MDGA2: variants seen among roughly 807,000 people sequenced by gnomAD.
MDGA2 encodes MAM domain-containing glycosylphosphatidylinositol anchor protein 2.
MDGA2 carries 40 observed loss-of-function variants against 117.8 expected under a neutral mutation model. The ratio of observed to expected loss-of-function variants is 0.34; its 90% CI spans 0.26 to 0.44. The LOEUF is 0.44. MDGA2 is among the 20% of genes least tolerant of loss of function. The pLI, the probability that MDGA2 is intolerant of heterozygous loss-of-function variation, is 1.00. For synonymous variants in MDGA2, 452 were observed against 439.0 expected (o/e 1.03, Z -0.37); for missense variants, 1,123 against 1,250.6 (o/e 0.90, Z 1.54).
intron 1 of MDGA2, chr14:47,306,120 C>A (rs1190573468): frequency 6.6e-6 from 1 of 152,132 alleles, no homozygotes; most frequent in African/African-American, 2.4e-5. Context: ...ATGTCTCAGA[C>A]ATAGGAGAGA....
intron 7 of MDGA2, among the ~76,000 whole-genome samples, chr14:47,058,117 TAAAA>T (rs1290464080): frequency 6.6e-6 from 1 of 152,024 alleles, no homozygotes; most frequent in Non-Finnish European, 1.5e-5. Flanking sequence ...AGCCTCTACT[TAAAA>T]AATATCATTA....
intron 2 of MDGA2, among the ~76,000 whole-genome samples, chr14:47,248,295 C>T (rs1280149057): frequency 6.6e-6 from 1 of 151,256 alleles, no homozygotes; most frequent in Admixed American, 6.6e-5. Flanking sequence ...AAATGAGAAA[C>T]ATCAGACGGA....
chr14:47,225,421 A>T (rs1173890964), intron 2 of MDGA2, among the ~76,000 whole-genome samples: 11 of 152,050 alleles, frequency 7.2e-5, no homozygotes, highest in African/African-American at 2.7e-4. Context: ...CAAATGTCCA[A>T]CAATGATAGA....
chr14:47,658,568 T>G (rs1897787220), intron 1 of MDGA2, among the ~76,000 whole-genome samples: 1 of 152,086 alleles, frequency 6.6e-6, no homozygotes, highest in Non-Finnish European at 1.5e-5. Flanking sequence ...AAAGGCCAGC[T>G]CCTGGAGGGC....
chr14:47,559,948 C>T (rs138693071), intron 1 of MDGA2, among the ~76,000 whole-genome samples: 2,066 of 152,222 alleles, frequency 0.014, 47 homozygotes, highest in African/African-American at 0.046. Context: ...TCAAATGGCA[C>T]GTCTAAGTTC....
chr14:47,486,559 C>A (rs1894066057), intron 1 of MDGA2, among the ~76,000 whole-genome samples: 1 of 151,932 alleles, frequency 6.6e-6, no homozygotes, highest in Non-Finnish European at 1.5e-5. Context: ...GGGGGGTGGC[C>A]AGGGGCAGAA....
At chr14:47,660,579 G>T (rs765959558) in intron 1 of MDGA2, among the ~76,000 whole-genome samples, 1 of 152,154 alleles carries the variant, frequency 6.6e-6, no homozygotes, top group Non-Finnish European at 1.5e-5. Flanking sequence ...GTCAAGAAAA[G>T]AAATCCGCTG....
chr14:47,554,101 G>A (rs1306595756), intron 1 of MDGA2, among the ~76,000 whole-genome samples: 1 of 152,106 alleles, frequency 6.6e-6, no homozygotes, highest in African/African-American at 2.4e-5. Flanking sequence ...TTGATTCTCT[G>A]GATGCCTATG....
At chr14:47,362,480 G>C (rs1202970486) in intron 1 of MDGA2, among the ~76,000 whole-genome samples, 1 of 152,038 alleles carries the variant, frequency 6.6e-6, no homozygotes, top group Non-Finnish European at 1.5e-5. Context: ...TTGAGGTATT[G>C]ATATTTTTAA....
chr14:46,949,053 AACACTTTC>A (rs1292617111), intron 9 of MDGA2, among the ~76,000 whole-genome samples: 2 of 152,030 alleles, frequency 1.3e-5, no homozygotes, highest in Admixed American at 1.3e-4. Flanking sequence ...TTGTTTTTAA[AACACTTTC>A]AAACTGATTA....
At chr14:47,548,746 C>T (rs1895515049) in intron 1 of MDGA2, among the ~76,000 whole-genome samples, 1 of 151,970 alleles carries the variant, frequency 6.6e-6, no homozygotes, top group African/African-American at 2.4e-5. Flanking sequence ...ATGCACACAA[C>T]CCTGAATGTG....
chr14:46,859,805 A>G (rs934353252), intron 14 of MDGA2, among the ~76,000 whole-genome samples: 2 of 152,146 alleles, frequency 1.3e-5, no homozygotes, highest in Non-Finnish European at 2.9e-5. Flanking sequence ...ATATGTTAAT[A>G]TATACGCTTC....
At chr14:47,539,903 G>C (rs1176098797) in intron 1 of MDGA2, among the ~76,000 whole-genome samples, 3 of 152,130 alleles carry the variant, frequency 2.0e-5, no homozygotes, top group African/African-American at 7.2e-5. Context: ...CACTGGCCTC[G>C]TCAAGGTTCC....
At chr14:47,473,430 G>A (rs1543413) in intron 1 of MDGA2, among the ~76,000 whole-genome samples, 112,017 of 152,088 alleles carry the variant, frequency 0.74, 41,804 homozygotes, top group East Asian at 1. Context: ...GTACTCTAAA[G>A]CAATTTTTGA....
At chr14:47,096,788 C>A in intron 6 of MDGA2, 66 bp downstream of exon 6, 1 of 1,491,086 alleles carries the variant, frequency 6.7e-7, no homozygotes, top group Non-Finnish European at 9.2e-7. Context: ...TTTATATCAA[C>A]CATTATTTGC....
intron 1 of MDGA2, among the ~76,000 whole-genome samples, chr14:47,420,687 A>G (rs886852153): frequency 3.3e-5 from 5 of 152,138 alleles, no homozygotes; most frequent in East Asian, 3.8e-4. Flanking sequence ...TCATGAAGCC[A>G]TAGGTATTAC....
chr14:47,329,422 G>T (rs975388108), intron 1 of MDGA2, among the ~76,000 whole-genome samples: 25 of 151,974 alleles, frequency 1.6e-4, no homozygotes, highest in African/African-American at 5.8e-4. Flanking sequence ...AATAGGGAGG[G>T]CCCAAGTGAA....
intron 1 of MDGA2, among the ~76,000 whole-genome samples, chr14:47,519,093 A>C (rs1594896791): frequency 6.6e-6 from 1 of 152,098 alleles, no homozygotes; most frequent in Middle Eastern, 3.4e-3. Flanking sequence ...AATCCCAGCT[A>C]CTTGGGAGGC....
intron 10 of MDGA2, among the ~76,000 whole-genome samples, chr14:46,910,814 T>C (rs1883669762): frequency 6.6e-6 from 1 of 152,066 alleles, no homozygotes; most frequent in Non-Finnish European, 1.5e-5. Flanking sequence ...TACGCAGCCA[T>C]AAAAACGAAT....
Sources: allele counts gnomAD v4.1 joint callset (sites outside exome capture counted in the v4.1 genomes callset), GRCh38; gene constraint gnomAD v4.1.1; transcripts MANE v1.5; gene names NCBI Gene and HGNC (gene_info 2026-07-23, HGNC 2026-07-21).